The following PAK4 variants were observed in gnomAD, a reference collection of about 807,000 sequenced individuals.
The protein encoded by PAK4 is p21 (RAC1) activated kinase 4, also known as serine/threonine-protein kinase PAK 4.
Under a neutral mutation model 53.5 loss-of-function variants are expected in PAK4, and 49 were observed. That is an observed-to-expected ratio of 0.92 (90% confidence interval 0.73 to 1.16). The LOEUF (loss-of-function observed/expected upper bound fraction) is 1.16, where lower values mean the gene tolerates loss of function less well. Ranked by LOEUF, PAK4 falls within the 50% of genes most tolerant of loss-of-function variation. The pLI, the probability that PAK4 is intolerant of heterozygous loss-of-function variation, is 0.00. For missense variants in PAK4, 824 were observed against 850.7 expected, an observed-to-expected ratio of 0.97 and a Z score of 0.39; for synonymous variants, 376 against 375.6, an observed-to-expected ratio of 1.00 and a Z score of -0.01.
intron 1 of PAK4, among the ~76,000 whole-genome samples, chr19:39,150,649 G>C (rs925051305): frequency 6.6e-6 from 1 of 152,090 alleles, no homozygotes; most frequent in Non-Finnish European, 1.5e-5. Flanking sequence ...CAGCACTTGG[G>C]GAGGCCGAGG....
At position 39,175,319 on chromosome 19, in the gene PAK4, G is replaced by T. The variant is rs1313402397; in HGVS notation, c.1240G>T (p.Glu414Ter). The T allele has an allele frequency of 1.9e-6, 3 of 1,582,222 alleles. No individual in the cohort carries two copies. The highest frequency in any genetic ancestry group is 2.6e-6 in the Non-Finnish European group (3 of 1,164,300). Residue 414 changes from glutamate to a stop codon, truncating the protein, a stop_gained, in exon 6 of 9, where the codon GAG (glutamate) becomes TAG (stop). Transcript: ENST00000358301. LOFTEE classifies it high-confidence loss of function. This position sits in a 1 kb window ranked among gnomAD's most constrained non-coding sequence, Gnocchi z 4.7. Reference sequence around the variant, plus strand: ...CCCCACCCCACCCCGCAGGATGAACGAGGAGCAGATCGCGGCCGTGTGCCT... The same window carrying T: ...CCCCACCCCACCCCGCAGGATGAACTAGGAGCAGATCGCGGCCGTGTGCCT...
At position 39,173,865 on chromosome 19, in the gene PAK4, G is replaced by A. The variant is rs147291859; in HGVS notation, c.953G>A (p.Arg318His). 2.3e-5 allele frequency: 37 copies of A among 1,612,520 alleles called. No individual in the cohort carries two copies. The highest frequency in any genetic ancestry group is 2.7e-5 in the African/African-American group (2 of 74,880). The change falls in exon 4 of 9, where the codon CGC becomes CAC. Residue 318 changes from arginine to histidine, a missense_variant. This residue lies in a region of PAK4 where 346 missense variants were observed against 415.0 expected (regional missense o/e 0.83). Transcript: ENST00000358301. This position sits in a 1 kb window ranked among gnomAD's most constrained non-coding sequence, Gnocchi z 6.9. ...CTGGTGGTGGACCCAGGCGACCCCC[G>A]CTCCTACCTGGACAACTTCATCAAG...
chr19:39,162,604 C>T (rs917031037), intron 1 of PAK4, among the ~76,000 whole-genome samples: 2 of 152,134 alleles, frequency 1.3e-5, no homozygotes, highest in Admixed American at 6.6e-5. Flanking sequence ...CTCCCCTCCC[C>T]TCAGCTCCTT....
At chr19:39,137,790 C>A (rs748057210) in intron 1 of PAK4, among the ~76,000 whole-genome samples, 1 of 151,688 alleles carries the variant, frequency 6.6e-6, no homozygotes, top group Non-Finnish European at 1.5e-5. Flanking sequence ...CCTCAGCCTC[C>A]GGAGTAGCTG....
At chr19:39,167,736 A>G (rs1022345264) in intron 1 of PAK4, among the ~76,000 whole-genome samples, 18 of 150,174 alleles carry the variant, frequency 1.2e-4, no homozygotes, top group African/African-American at 3.9e-4. Context: ...GCTGGCTCCC[A>G]TGGATGGTCC....
In PAK4 at chr19:39,161,762, C is replaced by G. The variant is rs1454548985; in HGVS notation, c.-22-7770C>G. On this transcript the variant is annotated intron_variant, in intron 1 of 8. Transcript: ENST00000358301. This position sits in a 1 kb window ranked among gnomAD's most constrained non-coding sequence, Gnocchi z 4.5. ...GTCCTTCCACTTGCCCCCTCGCCCA[C>G]CCTGCTCCAGCCACGTGGCCTCCTC... 6.6e-6 allele frequency among the ~76,000 whole-genome samples: 1 copy of G among 151,934 alleles called. No homozygotes were observed. Among genetic ancestry groups the G allele is most frequent in the African/African-American group, 2.4e-5 (1 of 41,336 alleles).
chr19:39,157,619 A>G (rs2074207951), intron 1 of PAK4, among the ~76,000 whole-genome samples: 1 of 152,194 alleles, frequency 6.6e-6, no homozygotes, highest in Non-Finnish European at 1.5e-5. Context: ...TTCTAGAGAC[A>G]TGAACGGAGG....
chr19:39,179,487 G>A (rs1273428930), downstream of PAK4: 1 of 152,168 alleles, frequency 6.6e-6, no homozygotes. Flanking sequence ...TCTGGATCTG[G>A]GAGCAAACCA....
chr19:39,144,986 A>C (rs1180054266), intron 1 of PAK4, among the ~76,000 whole-genome samples: 1 of 152,182 alleles, frequency 6.6e-6, no homozygotes, highest in Non-Finnish European at 1.5e-5. Flanking sequence ...TTATAAAGCA[A>C]ACAGCCATGA....
intron 1 of PAK4, among the ~76,000 whole-genome samples, chr19:39,163,488 G>C (rs1016259016): frequency 6.6e-6 from 1 of 152,044 alleles, no homozygotes; most frequent in Non-Finnish European, 1.5e-5. Context: ...ATTTGGGCCA[G>C]TTAACCTTGT....
chr19:39,126,916 G>T (rs1341802413), intron 1 of PAK4, among the ~76,000 whole-genome samples: 2 of 152,156 alleles, frequency 1.3e-5, no homozygotes, highest in South Asian at 4.1e-4. Context: ...ATCGAAGCTG[G>T]GCCTGGGTGA....
At chr19:39,167,230 G>A (rs1291133868) in intron 1 of PAK4, among the ~76,000 whole-genome samples, 3 of 152,224 alleles carry the variant, frequency 2.0e-5, no homozygotes, top group Non-Finnish European at 2.9e-5. Flanking sequence ...GGGAGGGAGC[G>A]GGATGGGGCG....
chr19:39,143,329 G>A (rs939335514), intron 1 of PAK4, among the ~76,000 whole-genome samples: 4 of 146,186 alleles, frequency 2.7e-5, no homozygotes, highest in South Asian at 2.2e-4. Flanking sequence ...GGTGGCTCAC[G>A]CCTGTAATCC....
At chr19:39,152,478 G>A (rs1376989853) in intron 1 of PAK4, 1 of 152,124 alleles carries the variant, frequency 6.6e-6, no homozygotes, top group Non-Finnish European at 1.5e-5. Flanking sequence ...AAGCTGTAAA[G>A]TGCTTCCTTT....
chr19:39,164,400 TTG>T (rs2144787262), intron 1 of PAK4, among the ~76,000 whole-genome samples: 1 of 151,760 alleles, frequency 6.6e-6, no homozygotes, highest in African/African-American at 2.4e-5. Flanking sequence ...GGAGCAGGGC[TTG>T]TGAGCACAGG....
intron 1 of PAK4, among the ~76,000 whole-genome samples, chr19:39,132,841 C>T (rs1164189652): frequency 6.6e-6 from 1 of 152,250 alleles, no homozygotes; most frequent in African/African-American, 2.4e-5. Context: ...GACATTCTCA[C>T]CTTTGCCAGT....
At chr19:39,155,210 G>A (rs561735441) in intron 1 of PAK4, among the ~76,000 whole-genome samples, 182 of 152,288 alleles carry the variant, frequency 1.2e-3, no homozygotes, top group Middle Eastern at 3.4e-3. Flanking sequence ...TGGAGTCCCT[G>A]GTAGAGCCCC....
chr19:39,142,125 C>T (rs540615143), intron 1 of PAK4, among the ~76,000 whole-genome samples: 12 of 152,278 alleles, frequency 7.9e-5, no homozygotes, highest in South Asian at 4.1e-4. Context: ...CACAGGTGTG[C>T]GCCGTCATGC....
chr19:39,157,625 G>A (rs1340471630), intron 1 of PAK4, among the ~76,000 whole-genome samples: 2 of 152,190 alleles, frequency 1.3e-5, no homozygotes, highest in Non-Finnish European at 1.5e-5. Flanking sequence ...AGACATGAAC[G>A]GAGGCTCTTG....
Sources: allele counts gnomAD v4.1 joint callset (sites outside exome capture counted in the v4.1 genomes callset), GRCh38; gene constraint gnomAD v4.1.1; regional missense constraint gnomAD v4.1.1; non-coding constraint Gnocchi (gnomAD v3.1); transcripts MANE v1.5; gene names NCBI Gene and HGNC (gene_info 2026-07-23, HGNC 2026-07-21).